Variants in CHRNA7 observed in about 807,000 individuals in gnomAD.
CHRNA7 encodes the protein cholinergic receptor nicotinic alpha 7 subunit.
A neutral mutation model predicts 48.0 loss-of-function variants in CHRNA7; 17 were observed. That is an observed-to-expected ratio of 0.35 (90% confidence interval 0.24 to 0.53). The LOEUF (loss-of-function observed/expected upper bound fraction) is 0.53. Ranked by LOEUF, CHRNA7 falls within the 20% of genes least tolerant of loss-of-function variation. The probability of loss-of-function intolerance (pLI) is 0.92; values close to 1 mark genes in which losing one functional copy is unlikely to be tolerated. For missense variants in CHRNA7, 155 were observed against 577.7 expected (o/e 0.27, Z 7.50); for synonymous variants, 75 against 242.3 (o/e 0.31, Z 6.41).
At chr15:32,097,640 A>G (rs964625911) in intron 2 of CHRNA7, among the ~76,000 whole-genome samples, 4 of 152,232 alleles carry the variant, frequency 2.6e-5, no homozygotes, top group African/African-American at 9.6e-5. Flanking sequence ...AAGCGTCCAA[A>G]TGGAATTAAA....
chr15:32,168,753 A>AGTTTTTTCAT lies in CHRNA7; in HGVS notation c.*296_*297insTTTTTTCATG. Reference sequence around the variant, plus strand: ...GCCCACTGCCTGGAAAGCCCTTCGGAGAGCTCCCCATGGCTCCTCACCACC... The same window carrying AGTTTTTTCAT: ...GCCCACTGCCTGGAAAGCCCTTCGGAGTTTTTTCATGAGCTCCCCATGGCTCCTCACCACC... On this transcript the variant is annotated 3_prime_UTR_variant, in exon 10 of 10. Transcript: ENST00000306901. The AGTTTTTTCAT allele has an allele frequency of 1.1e-5, 1 of 87,556 alleles. No individual in the cohort carries two copies. The highest frequency in any genetic ancestry group is 1.9e-5 in the Non-Finnish European group (1 of 51,334). The allele number at this position is 87,556 out of a possible 1,614,324, so 5.4% of individuals were successfully genotyped here. A position where few individuals can be genotyped will look rare whatever the true frequency, so the allele number is the denominator to read the frequency against.
At chr15:32,075,604 T>C (rs2050124945) in intron 2 of CHRNA7, among the ~76,000 whole-genome samples, 1 of 152,110 alleles carries the variant, frequency 6.6e-6, no homozygotes, top group Admixed American at 6.5e-5. Flanking sequence ...TTTATTAGTC[T>C]CGCTAAAGGT....
chr15:32,116,630 G>A (rs1307363598), intron 4 of CHRNA7, among the ~76,000 whole-genome samples: 1 of 152,172 alleles, frequency 6.6e-6, no homozygotes. Flanking sequence ...AGGCCTTGCT[G>A]GGATCAGCAG....
At chr15:32,033,492 C>T (rs924729301) in intron 2 of CHRNA7, among the ~76,000 whole-genome samples, 4 of 152,226 alleles carry the variant, frequency 2.6e-5, no homozygotes, top group African/African-American at 9.6e-5. Flanking sequence ...TTCCTTTAGA[C>T]TTGGTAACTT....
chr15:32,126,701 C>T (rs1398023158), intron 4 of CHRNA7, among the ~76,000 whole-genome samples: 1 of 152,094 alleles, frequency 6.6e-6, no homozygotes. Flanking sequence ...AGAGATGATA[C>T]TTTCTAGTTC....
At chr15:32,068,688 A>C (rs138182778) in intron 2 of CHRNA7, among the ~76,000 whole-genome samples, 39 of 151,912 alleles carry the variant, frequency 2.6e-4, no homozygotes, top group African/African-American at 9.4e-4. Flanking sequence ...GCACCACTGC[A>C]CTCCAGCCTG....
At chr15:32,072,377 A>G (rs1489315778) in intron 2 of CHRNA7, among the ~76,000 whole-genome samples, 2 of 152,216 alleles carry the variant, frequency 1.3e-5, no homozygotes, top group Non-Finnish European at 2.9e-5. Flanking sequence ...GCAGAGTGTA[A>G]AAGTTAGAAA....
chr15:32,050,383 C>A (rs2141186393), intron 2 of CHRNA7, among the ~76,000 whole-genome samples: 2 of 152,292 alleles, frequency 1.3e-5, no homozygotes, highest in South Asian at 4.1e-4. Context: ...CTTCTCACTT[C>A]ATTTCATTCA....
intron 2 of CHRNA7, among the ~76,000 whole-genome samples, chr15:32,040,607 T>G (rs2049431316): frequency 5.8e-5 from 2 of 34,202 alleles, no homozygotes; most frequent in South Asian, 2.0e-3. Context: ...TATGTGTGTA[T>G]GTGTGTGTGT....
At chr15:32,133,523 C>T (rs1398834754) in intron 4 of CHRNA7, among the ~76,000 whole-genome samples, 17 of 152,104 alleles carry the variant, frequency 1.1e-4, no homozygotes, top group Admixed American at 8.5e-4. Context: ...TTGCCCTGTA[C>T]GAGGTGGGTT....
Position 32,114,933 on chromosome 15 carries a change from C to T in CHRNA7, c.350+3034C>T, listed in dbSNP as rs529132670. Among the ~76,000 whole-genome samples the T allele has an allele frequency of 1.9e-3, 290 of 152,330 alleles. 1 individual carries two copies. Among genetic ancestry groups the T allele is most frequent in the African/African-American group, 6.8e-3 (281 of 41,578 alleles). ...GTCTGGGCTGAGCTGGTGGGGACGC[C>T]GGCCCTGGCAGGAAGCTCAGCCATT... On this transcript the variant is annotated intron_variant, in intron 4 of 9. Transcript: ENST00000306901.
At position 32,089,362 on chromosome 15, in the gene CHRNA7, CA is replaced by C. The variant is rs1271082772; in HGVS notation, c.196-11940del. Reference sequence around the variant, plus strand: ...TGGAAGTTTCTGTTGACACATTATCCAGCTCACTGATTCCTTGCTTGGCTGT... The same window carrying C: ...TGGAAGTTTCTGTTGACACATTATCCGCTCACTGATTCCTTGCTTGGCTGT... On this transcript the variant is annotated intron_variant, in intron 2 of 9. Transcript: ENST00000306901. 3.9e-5 allele frequency among the ~76,000 whole-genome samples: 6 copies of C among 152,058 alleles called. No individual in the cohort carries two copies. The East Asian group carries it at 1.2e-3, about 29-fold the overall frequency.
chr15:32,030,616 G>T lies in CHRNA7; in HGVS notation c.22G>T (p.Val8Phe). 1.3e-6 allele frequency: 2 copies of T among 1,564,284 alleles called. No homozygotes were observed. Among genetic ancestry groups the T allele is most frequent in the Non-Finnish European group, 1.7e-6 (2 of 1,161,548 alleles). ...CAACATGCGCTGCTCGCCGGGAGGC[G>T]TCTGGCTGGCGCTGGCCGCGTCGCT... MRCSPGG[V>F]WLALAASLLH... is the part of the protein sequence containing the mutation. Residue 8 changes from valine to phenylalanine, a missense_variant, in exon 1 of 10, where the codon GTC (valine) becomes TTC (phenylalanine). Coordinates refer to ENST00000306901, the MANE Select transcript of CHRNA7 (RefSeq NM_000746.6).
intron 4 of CHRNA7, among the ~76,000 whole-genome samples, chr15:32,115,262 TCAAAG>T (rs1363279307): frequency 6.6e-6 from 1 of 151,900 alleles, no homozygotes; most frequent in Admixed American, 6.6e-5. Flanking sequence ...ACTGCAAGGG[TCAAAG>T]TAAAGCCCCA....
At chr15:32,136,285 G>A (rs370181885) in intron 4 of CHRNA7, among the ~76,000 whole-genome samples, 402 of 152,256 alleles carry the variant, frequency 2.6e-3, no homozygotes, top group Non-Finnish European at 3.9e-3. Context: ...GAGGTCAGGA[G>A]TTCGAGACCA....
At chr15:32,044,237 A>G (rs576137335) in intron 2 of CHRNA7, among the ~76,000 whole-genome samples, 8 of 103,322 alleles carry the variant, frequency 7.7e-5, no homozygotes, top group Non-Finnish European at 1.1e-4. Context: ...TTGTTGCCAG[A>G]TCGATCGATC....
intron 2 of CHRNA7, chr15:32,099,932 C>T (rs1173648514): frequency 6.6e-6 from 1 of 152,158 alleles, no homozygotes; most frequent in South Asian, 2.1e-4. Context: ...TGGACATTGC[C>T]TCTGGCCTGG....
At chr15:32,144,241 C>T (rs2051440603) in intron 4 of CHRNA7, among the ~76,000 whole-genome samples, 1 of 152,214 alleles carries the variant, frequency 6.6e-6, no homozygotes, top group Middle Eastern at 3.4e-3. Flanking sequence ...GAATATTGGC[C>T]CCCACTCTCT....
chr15:32,091,990 A>G (rs1266191705), intron 2 of CHRNA7, among the ~76,000 whole-genome samples: 2 of 152,064 alleles, frequency 1.3e-5, no homozygotes, highest in South Asian at 2.1e-4. Flanking sequence ...CAGGGCCCCC[A>G]TGTATTATCC....
Sources: gnomAD v4.1 joint callset for allele counts (sites outside exome capture counted in the v4.1 genomes callset) on GRCh38, gnomAD v4.1.1 for gene constraint, MANE v1.5 for transcripts, NCBI Gene and HGNC (gene_info 2026-07-23, HGNC 2026-07-21) for gene names.